FRY: variants seen among roughly 807,000 people sequenced by gnomAD.
The protein encoded by FRY is FRY microtubule binding protein, also known as protein furry homolog.
A neutral mutation model predicts 348.4 loss-of-function variants in FRY; 128 were observed. The observed-to-expected ratio is 0.37, with a 90% CI of 0.32 to 0.43. The LOEUF (loss-of-function observed/expected upper bound fraction) is 0.43, where lower values mean the gene tolerates loss of function less well. Among genes scored for constraint, FRY ranks in the 20% least tolerant of loss-of-function variants. The pLI is 1.00. For missense variants in FRY, 2,736 were observed against 3,695.2 expected (o/e 0.74, Z 6.73); for synonymous variants, 1,370 against 1,374.7 (o/e 1.00, Z 0.08).
chr13:32,038,285 A>G (rs1249196036), intron 1 of FRY: 3 of 152,242 alleles, frequency 2.0e-5, no homozygotes, highest in Middle Eastern at 3.2e-3. Context: ...AAAAAATGCA[A>G]TATAGCTTGG....
intron 18 of FRY, among the ~76,000 whole-genome samples, chr13:32,172,885 T>C (rs1882172462): frequency 6.6e-6 from 1 of 152,202 alleles, no homozygotes; most frequent in African/African-American, 2.4e-5. Context: ...TGGTTGGGGA[T>C]TGGGAACTTT....
At position 32,110,089 on chromosome 13, in the gene FRY, A is replaced by G. The variant is rs527343941; in HGVS notation, c.325-7245A>G. ...GGCTTTGAGGAAGGCTTTTGCTGCA[A>G]TGGCTATTCATGGATGTGTAGAGTG... On this transcript the variant is annotated intron_variant, in intron 3 of 60. Coordinates refer to ENST00000542859, the MANE Select transcript of FRY (RefSeq NM_023037.3). Among the ~76,000 whole-genome samples, 16 of 152,360 alleles carry G rather than the reference A, an allele frequency of 1.1e-4. No homozygotes were observed. The South Asian group carries it at 3.1e-3, about 30-fold the overall frequency.
rs867954238 is a variant in FRY, at chr13:32,175,476, G to T, written c.2335-70G>T. 4.8e-5 allele frequency: 45 copies of T among 928,134 alleles called. No homozygotes were observed. In the Middle Eastern group the frequency reaches 3.1e-3, roughly 65 times the overall value. 57.5% of individuals were successfully genotyped at this position (928,134 alleles called of 1,614,324 possible). A position where few individuals can be genotyped will look rare whatever the true frequency, so the allele number is the denominator to read the frequency against. On this transcript the variant is annotated intron_variant, in intron 19 of 60. Coordinates refer to ENST00000542859, the MANE Select transcript of FRY (RefSeq NM_023037.3). ...ACAAGCTGTTCTGCTTCATGTATCA[G>T]ACGAAGGCGGTGGGGTGGGTGGGGA...
At chr13:32,203,858 T>G (rs1884190845) in intron 31 of FRY, among the ~76,000 whole-genome samples, 1 of 152,224 alleles carries the variant, frequency 6.6e-6, no homozygotes, top group African/African-American at 2.4e-5. Flanking sequence ...TGTCCAGATC[T>G]TCCTCAGTCC....
intron 59 of FRY, 91 bp from the exon 60 acceptor site, chr13:32,294,277 C>A: frequency 1.2e-6 from 1 of 850,948 alleles, no homozygotes; most frequent in Non-Finnish European, 2.0e-6. Context: ...TTATGCTTAA[C>A]CACACCCATA....
intron 52 of FRY, among the ~76,000 whole-genome samples, chr13:32,262,025 C>A (rs1015184092): frequency 1.3e-5 from 2 of 152,134 alleles, no homozygotes; most frequent in African/African-American, 4.8e-5. Flanking sequence ...TGTGATTCAC[C>A]CTGAAAGCCA....
chr13:32,052,807 C>T (rs771390570), intron 1 of FRY, among the ~76,000 whole-genome samples: 3 of 152,100 alleles, frequency 2.0e-5, no homozygotes, highest in Non-Finnish European at 4.4e-5. Flanking sequence ...AAATTAATTA[C>T]AATAAAAATA....
intron 7 of FRY, 38 bp downstream of exon 7, chr13:32,124,913 C>T (rs376526604): frequency 5.9e-5 from 83 of 1,408,320 alleles, no homozygotes; most frequent in Middle Eastern, 1.8e-4. Flanking sequence ...TGAGAACGTG[C>T]GTGCTTTCAC....
chr13:32,287,845 C>T (rs1889152585), intron 58 of FRY: 5 of 1,341,360 alleles, frequency 3.7e-6, no homozygotes, highest in African/African-American at 1.5e-5. Flanking sequence ...CCTTTGTTTC[C>T]TGTGCCATGC....
intron 7 of FRY, among the ~76,000 whole-genome samples, chr13:32,131,302 C>T (rs1879344969): frequency 6.6e-6 from 1 of 152,184 alleles, no homozygotes; most frequent in Non-Finnish European, 1.5e-5. Context: ...TGCTCATAGA[C>T]TCACTATTTG....
At chr13:32,042,655 TAAGTC>T (rs777606466) in intron 1 of FRY, among the ~76,000 whole-genome samples, 2 of 152,158 alleles carry the variant, frequency 1.3e-5, no homozygotes, top group African/African-American at 4.8e-5. Context: ...TTGCTTCACT[TAAGTC>T]AGGAAGGAAG....
At chr13:32,144,352 TA>T (rs541932870) in intron 11 of FRY, among the ~76,000 whole-genome samples, 1 of 147,744 alleles carries the variant, frequency 6.8e-6, no homozygotes, top group Non-Finnish European at 1.5e-5. Flanking sequence ...CGCTAAAAAT[TA>T]AAAAAAGAAG....
chr13:32,251,952 A>G lies in FRY; in HGVS notation c.7245A>G (p.Ser2415=), dbSNP rs1199653931. The change falls in exon 50 of 61, where the codon TCA becomes TCG. Residue 2415 remains serine (S), a splice_region_variant and synonymous_variant. Transcript: ENST00000542859. ...AAGTAGGATTGAGCAAAAATCCATC[A>G]GTAAGTTCTGTCATGTGTCATAGTT... ...GQEVGLSKNP[S]VIFSSCGDLD... is the part of the protein sequence containing the mutation. The G allele has an allele frequency of 6.3e-7, 1 of 1,597,232 alleles. No homozygotes were observed. Among genetic ancestry groups the G allele is most frequent in the Admixed American group, 1.7e-5 (1 of 60,006 alleles).
intron 36 of FRY, among the ~76,000 whole-genome samples, chr13:32,222,465 G>A (rs1885367493): frequency 1.3e-5 from 2 of 152,184 alleles, no homozygotes; most frequent in African/African-American, 4.8e-5. Flanking sequence ...ACCCGCCATG[G>A]CCTCCCAAAG....
Position 32,239,392 on chromosome 13 carries a change from T to G in FRY, c.6516+43T>G, listed in dbSNP as rs769483529. 6 of 1,183,514 alleles carry G rather than the reference T, an allele frequency of 5.1e-6. No individual in the cohort carries two copies. In the Admixed American group the frequency reaches 1.0e-4, roughly 20 times the overall value. 73.3% of individuals were successfully genotyped at this position (1,183,514 alleles called of 1,614,324 possible). ...ACACTCAGGCAGATCCATAGAGGCC[T>G]TCAGGACGCCCTAGTGTCAGGCAAA... On this transcript the variant is annotated intron_variant, in intron 45 of 60. Coordinates refer to ENST00000542859, the MANE Select transcript of FRY (RefSeq NM_023037.3). This position sits in a 1 kb window ranked among gnomAD's most constrained non-coding sequence, Gnocchi z 4.3.
At chr13:32,285,165 G>A (rs1186083349) in intron 58 of FRY, among the ~76,000 whole-genome samples, 1 of 152,116 alleles carries the variant, frequency 6.6e-6, no homozygotes, top group Non-Finnish European at 1.5e-5. Flanking sequence ...ACCTAAAGCT[G>A]CCAAAACACA....
chr13:32,211,537 G>A (rs1884686146), intron 34 of FRY, among the ~76,000 whole-genome samples: 1 of 152,174 alleles, frequency 6.6e-6, no homozygotes, highest in Non-Finnish European at 1.5e-5. Context: ...GAGAATCTGT[G>A]GCTCAAGCAT....
chr13:32,041,782 C>T (rs993574283), intron 1 of FRY, among the ~76,000 whole-genome samples: 3 of 152,140 alleles, frequency 2.0e-5, no homozygotes, highest in African/African-American at 7.2e-5. Flanking sequence ...GTTTTTGTGT[C>T]TTGCCTGCTG....
At chr13:32,243,996 G>A (rs181582948) in intron 46 of FRY, 46 bp from the exon 47 acceptor site, 84 of 1,606,684 alleles carry the variant, frequency 5.2e-5, no homozygotes, top group Admixed American at 2.3e-4. Context: ...CCTTCCATAC[G>A]GAGATCTGGT....
Sources: allele counts gnomAD v4.1 joint callset (sites outside exome capture counted in the v4.1 genomes callset), GRCh38; gene constraint gnomAD v4.1.1; non-coding constraint Gnocchi (gnomAD v3.1); transcripts MANE v1.5; gene names NCBI Gene and HGNC (gene_info 2026-07-23, HGNC 2026-07-21).